The following CHD2 variants were observed in gnomAD, a reference collection of about 807,000 sequenced individuals.
CHD2 encodes the protein ATP-dependent chromatin remodeler CHD2.
A neutral mutation model predicts 243.9 loss-of-function variants in CHD2; 28 were observed. That is an observed-to-expected ratio of 0.11 (90% CI 0.09 to 0.16). CHD2 has a LOEUF of 0.16. Ranked by LOEUF, CHD2 falls within the 10% of genes least tolerant of loss-of-function variation. CHD2 has a pLI of 1.00. For synonymous variants in CHD2, 775 were observed against 779.0 expected (o/e 0.99, Z 0.09); for missense variants, 1,386 against 2,209.8 (o/e 0.63, Z 7.47).
At chr15:92,935,859 A>G (rs1414902930) in intron 5 of CHD2, among the ~76,000 whole-genome samples, 1 of 152,214 alleles carries the variant, frequency 6.6e-6, no homozygotes, top group Admixed American at 6.5e-5. Context: ...AGGCAATACT[A>G]ACAGGCCTTT....
At chr15:92,972,530 G>C in intron 19 of CHD2, 113 bp downstream of exon 19, 1 of 970,582 alleles carries the variant, frequency 1.0e-6, no homozygotes, top group Non-Finnish European at 1.5e-6. Flanking sequence ...GGAAGTAAGA[G>C]TTTTCTTGTT....
chr15:92,930,684 G>A (rs959417904), intron 5 of CHD2, among the ~76,000 whole-genome samples: 48 of 151,976 alleles, frequency 3.2e-4, no homozygotes, highest in Admixed American at 3.0e-3. Flanking sequence ...CTCCAGCCTC[G>A]GTCTCCTAGG....
At chr15:92,929,275 A>G (rs888894635) in intron 5 of CHD2, among the ~76,000 whole-genome samples, 184 bp downstream of exon 5, 1 of 152,158 alleles carries the variant, frequency 6.6e-6, no homozygotes, top group Non-Finnish European at 1.5e-5. Context: ...TGGAAACTCA[A>G]GATTCTCAGT....
intron 13 of CHD2, chr15:92,949,289 A>T: frequency 8.0e-7 from 1 of 1,248,804 alleles, no homozygotes; most frequent in Non-Finnish European, 1.0e-6. Flanking sequence ...GATCTAAAGA[A>T]TACTTTATTT....
At chr15:92,961,115 ATGAAT>A (rs1193290941) in intron 16 of CHD2, among the ~76,000 whole-genome samples, 1 of 152,168 alleles carries the variant, frequency 6.6e-6, no homozygotes, top group Non-Finnish European at 1.5e-5. Context: ...GGATCATAAA[ATGAAT>A]TGGAGAGCGT....
intron 16 of CHD2, among the ~76,000 whole-genome samples, chr15:92,962,379 TTTTCATTTGA>T (rs2053702349): frequency 6.6e-6 from 1 of 152,198 alleles, no homozygotes; most frequent in Non-Finnish European, 1.5e-5. Context: ...TGTGTTTTTG[TTTTCATTTGA>T]TTTCATCTAT....
intron 13 of CHD2, among the ~76,000 whole-genome samples, chr15:92,952,888 T>C (rs895021738): frequency 6.6e-6 from 1 of 152,226 alleles, no homozygotes; most frequent in East Asian, 1.9e-4. Flanking sequence ...CATGCACCTA[T>C]ACATGTAGGT....
At position 92,985,547 on chromosome 15, in the gene CHD2, A is replaced by G; in HGVS notation, c.3287A>G (p.Gln1096Arg). ...GACACTGAGTCTAAGAGGCAGGCCC[A>G]GAGATCCTCTGCTTCTGAGAGTGAA... Reference protein sequence around the residue: ...DSDTESKRQAQRSSASESETE... With the variant: ...DSDTESKRQARRSSASESETE... The change falls in exon 26 of 39, where the codon CAG (glutamine) becomes CGG (arginine). Residue 1096 changes from glutamine to arginine, a missense_variant. By Grantham distance (43) the Gln-to-Arg change is conservative (BLOSUM62 1). Coordinates refer to ENST00000394196, the MANE Select transcript of CHD2 (RefSeq NM_001271.4). The G allele has an allele frequency of 6.2e-7, 1 of 1,614,140 alleles. No individual in the cohort carries two copies. Among genetic ancestry groups the G allele is most frequent in the Non-Finnish European group, 8.5e-7 (1 of 1,179,998 alleles).
chr15:92,969,771 TACC>T (rs2053815722), intron 17 of CHD2, among the ~76,000 whole-genome samples: 1 of 151,710 alleles, frequency 6.6e-6, no homozygotes, highest in Admixed American at 6.6e-5. Context: ...AAGCTAATAC[TACC>T]ACCAACAATA....
chr15:92,992,728 A>AT (rs2054136719), intron 27 of CHD2, 131 bp from the exon 28 acceptor site: 1 of 1,083,338 alleles, frequency 9.2e-7, no homozygotes, highest in African/African-American at 1.6e-5. Flanking sequence ...GAGCCTTAGA[A>AT]TGACCACTAA....
At position 92,900,683 on chromosome 15, in the gene CHD2, G is replaced by A; in HGVS notation, c.-213G>A. On this transcript the variant is annotated 5_prime_UTR_variant, in exon 1 of 39. Transcript: ENST00000394196. ...GTATTAATTATTGCTTTATTTTTTT[G>A]ACCAGTTAACATATTTGAGGGTTAT... 1 of 390,268 alleles carries A rather than the reference G, an allele frequency of 2.6e-6. No homozygotes were observed. Among genetic ancestry groups the A allele is most frequent in the Non-Finnish European group, 4.5e-6 (1 of 221,484 alleles). 24.2% of individuals were successfully genotyped at this position (390,268 alleles called of 1,614,324 possible).
intron 28 of CHD2, among the ~76,000 whole-genome samples, chr15:92,994,740 T>C (rs2054165854): frequency 6.6e-6 from 1 of 152,252 alleles, no homozygotes; most frequent in African/African-American, 2.4e-5. Flanking sequence ...TAGTACAGCA[T>C]GCACACTTTT....
At chr15:92,971,045 A>G (rs993038494) in intron 17 of CHD2, among the ~76,000 whole-genome samples, 12 of 152,326 alleles carry the variant, frequency 7.9e-5, no homozygotes, top group African/African-American at 2.9e-4. Flanking sequence ...ATGGGTATGT[A>G]GCCTCTATTT....
rs1022472278 is a variant in CHD2, at chr15:92,942,049, A to G, written c.826+94A>G. ...ACTCTAATGTGATGAATTTTAGTCT[A>G]CTGCTGTATTTGTTGTGATATGTAG... On this transcript the variant is annotated intron_variant, in intron 8 of 38. Transcript: ENST00000394196. 4 of 1,212,496 alleles carry G rather than the reference A, an allele frequency of 3.3e-6. No homozygotes were observed. In the South Asian group the frequency reaches 5.7e-5, roughly 17 times the overall value. 75.1% of individuals were successfully genotyped at this position (1,212,496 alleles called of 1,614,324 possible).
chr15:92,905,404 G>T (rs1459227145), intron 2 of CHD2, among the ~76,000 whole-genome samples: 1 of 152,128 alleles, frequency 6.6e-6, no homozygotes, highest in African/African-American at 2.4e-5. Flanking sequence ...CTGAATTTAA[G>T]CAAGCAAGAA....
At chr15:92,952,867 A>G (rs373534187) in intron 13 of CHD2, among the ~76,000 whole-genome samples, 1 of 152,172 alleles carries the variant, frequency 6.6e-6, no homozygotes, top group South Asian at 2.1e-4. Context: ...AAGTGTATTT[A>G]AAACAAGCCC....
chr15:92,901,463 A>G, intron 2 of CHD2, 164 bp downstream of exon 2: 1 of 609,560 alleles, frequency 1.6e-6, no homozygotes, highest in South Asian at 2.1e-5. Context: ...AATATGCCAC[A>G]CCCTAATTTT....
intron 37 of CHD2, among the ~76,000 whole-genome samples, chr15:93,016,868 CTG>C (rs1398213735): frequency 4.0e-5 from 6 of 151,310 alleles, no homozygotes; most frequent in African/African-American, 7.3e-5. Context: ...GAAAAAAACT[CTG>C]TGGAGCTTAT....
intron 28 of CHD2, among the ~76,000 whole-genome samples, chr15:92,995,023 A>G (rs1190465325): frequency 1.3e-5 from 2 of 152,240 alleles, no homozygotes; most frequent in Non-Finnish European, 2.9e-5. Flanking sequence ...ATGTTAACAT[A>G]ATTACATATT....
Sources: allele counts gnomAD v4.1 joint callset (sites outside exome capture counted in the v4.1 genomes callset), GRCh38; gene constraint gnomAD v4.1.1; transcripts MANE v1.5; gene names NCBI Gene and HGNC (gene_info 2026-07-23, HGNC 2026-07-21).